PHLDB2: variants seen among roughly 807,000 people sequenced by gnomAD.
PHLDB2 encodes the protein pleckstrin homology like domain family B member 2, also known as pleckstrin homology-like domain family B member 2.
In PHLDB2, 71 loss-of-function variants were observed where a neutral mutation model predicts 123.6. That is an observed-to-expected ratio of 0.57 (90% CI 0.47 to 0.70). The LOEUF (loss-of-function observed/expected upper bound fraction) is 0.70, where lower values mean the gene tolerates loss of function less well. Ranked by LOEUF, PHLDB2 falls within the 30% of genes least tolerant of loss-of-function variation. The probability of loss-of-function intolerance (pLI) is 0.00; values close to 1 mark genes in which losing one functional copy is unlikely to be tolerated. For missense variants in PHLDB2, 1,446 were observed against 1,519.5 expected (o/e 0.95, Z 0.80); for synonymous variants, 547 against 541.6 (o/e 1.01, Z -0.14).
At chr3:111,831,034 G>GGAAGA (rs2063000519) in intron 1 of PHLDB2, among the ~76,000 whole-genome samples, 13 of 46,166 alleles carry the variant, frequency 2.8e-4, no homozygotes, top group African/African-American at 1.0e-3. Flanking sequence ...AGAAAGAAAG[G>GGAAGA]AAGGAAGGAA....
chr3:111,810,699 A>G (rs1317784124), intron 1 of PHLDB2, among the ~76,000 whole-genome samples: 1 of 152,202 alleles, frequency 6.6e-6, no homozygotes, highest in Non-Finnish European at 1.5e-5. Flanking sequence ...CGTCCATAGC[A>G]ATGATATAGC....
chr3:111,782,851 G>GA (rs1186152872), intron 1 of PHLDB2, among the ~76,000 whole-genome samples: 1 of 152,022 alleles, frequency 6.6e-6, no homozygotes, highest in Non-Finnish European at 1.5e-5. Flanking sequence ...TATTCAGAGA[G>GA]AAAAAAGTTT....
intron 2 of PHLDB2, among the ~76,000 whole-genome samples, chr3:111,896,425 A>C (rs540288462): frequency 6.7e-6 from 1 of 150,054 alleles, no homozygotes; most frequent in African/African-American, 2.5e-5. Flanking sequence ...GCTCACTGCA[A>C]CCTCCGCCTC....
chr3:111,824,512 A>C (rs1282248354), intron 1 of PHLDB2, among the ~76,000 whole-genome samples: 1 of 152,170 alleles, frequency 6.6e-6, no homozygotes, highest in Admixed American at 6.5e-5. Flanking sequence ...GACCCAAATC[A>C]ACTAAAGGTC....
chr3:111,765,683 T>G (rs1337382440), intron 1 of PHLDB2, among the ~76,000 whole-genome samples: 1 of 152,216 alleles, frequency 6.6e-6, no homozygotes, highest in African/African-American at 2.4e-5. Context: ...ACTTCTCTGC[T>G]GGGTTAGACA....
chr3:111,783,012 C>G (rs866476767), intron 1 of PHLDB2, among the ~76,000 whole-genome samples: 27 of 151,862 alleles, frequency 1.8e-4, no homozygotes, highest in African/African-American at 6.3e-4. Context: ...TTCTTAGTTC[C>G]TATCTGTTTT....
At chr3:111,848,313 C>T (rs1430048724) in intron 2 of PHLDB2, among the ~76,000 whole-genome samples, 3 of 152,220 alleles carry the variant, frequency 2.0e-5, no homozygotes, top group Admixed American at 6.5e-5. Flanking sequence ...CCCCCCGCCA[C>T]CTGCCACTAG....
chr3:111,801,113 C>T (rs745878372), intron 1 of PHLDB2, among the ~76,000 whole-genome samples: 1 of 152,166 alleles, frequency 6.6e-6, no homozygotes, highest in Non-Finnish European at 1.5e-5. Flanking sequence ...ACAGAGTAGA[C>T]ACTTAATAAA....
chr3:111,818,051 C>G (rs1309446417), intron 1 of PHLDB2, among the ~76,000 whole-genome samples: 2 of 151,830 alleles, frequency 1.3e-5, no homozygotes, highest in Non-Finnish European at 2.9e-5. Flanking sequence ...AGATTGATCT[C>G]TTGTGAAAAA....
Position 111,831,014 on chromosome 3 carries a change from AAAGAAAGAAAGAAAGAAAGGAAGGAAGG to A in PHLDB2, c.-48-14798_-48-14771del, listed in dbSNP as rs1255571690. On this transcript the variant is annotated intron_variant, in intron 1 of 17. Transcript: ENST00000393923. Reference sequence around the variant, plus strand: ...GAAAGAAAGAAAGAAAGAAAGAAAGAAAGAAAGAAAGAAAGAAAGGAAGGAAGGAAGAAAGAGAAAAGAGAGAGATAGA... The same window carrying A: ...GAAAGAAAGAAAGAAAGAAAGAAAGAAAGAAAGAGAAAAGAGAGAGATAGA... Among the ~76,000 whole-genome samples, 120 of 101,482 alleles carry A rather than the reference AAAGAAAGAAAGAAAGAAAGGAAGGAAGG, an allele frequency of 1.2e-3. 11 individuals carry two copies. The highest frequency in any genetic ancestry group is 4.6e-3 in the Middle Eastern group (1 of 216). The allele number at this position is 101,482 out of a possible 152,430, so 66.6% of individuals were successfully genotyped here. A position where few individuals can be genotyped will look rare whatever the true frequency, so the allele number is the denominator to read the frequency against.
At chr3:111,932,017 A>G (rs1224636162) in intron 5 of PHLDB2, among the ~76,000 whole-genome samples, 3 of 152,206 alleles carry the variant, frequency 2.0e-5, no homozygotes, top group African/African-American at 7.2e-5. Context: ...TGGCAGGAAG[A>G]AGGGAGGGAA....
intron 1 of PHLDB2, among the ~76,000 whole-genome samples, chr3:111,837,436 C>T (rs115911443): frequency 0.01 from 1,581 of 152,186 alleles, 34 homozygotes; most frequent in African/African-American, 0.036. Context: ...CAAAGTCGTG[C>T]TCTTTGGGGT....
intron 2 of PHLDB2, among the ~76,000 whole-genome samples, chr3:111,899,420 C>T (rs1198022439): frequency 6.6e-6 from 1 of 152,174 alleles, no homozygotes; most frequent in Non-Finnish European, 1.5e-5. Flanking sequence ...TCCTGATGCT[C>T]TCCCCCACTT....
intron 3 of PHLDB2, chr3:111,917,260 T>C (rs891334880): frequency 1.3e-5 from 2 of 152,246 alleles, no homozygotes; most frequent in Admixed American, 1.3e-4. Flanking sequence ...TGATAAACTT[T>C]CTAAAAACTT....
chr3:111,953,949 A>G lies in PHLDB2; in HGVS notation c.2792A>G (p.Gln931Arg). The change falls in exon 12 of 18, where the codon CAG (glutamine) becomes CGG (arginine). Residue 931 changes from glutamine (Q) to arginine (R), a missense_variant. By Grantham distance (43) the Gln-to-Arg change is conservative. Transcript: ENST00000431670. ...CCGCAGGCCCATCTGCCCCTAGGAC[A>G]GAGTAACAGCTGTGGAAGTGTGCTC... ...ITPKAHLPLG[Q>R]SNSCGSVLPP... 6.2e-7 allele frequency: 1 copy of G among 1,613,702 alleles called. No individual in the cohort carries two copies. Among genetic ancestry groups the G allele is most frequent in the Non-Finnish European group, 8.5e-7 (1 of 1,179,758 alleles).
chr3:111,889,510 C>T (rs1466816292), intron 2 of PHLDB2, among the ~76,000 whole-genome samples: 4 of 151,734 alleles, frequency 2.6e-5, no homozygotes, highest in East Asian at 1.9e-4. Context: ...GAGACCAGCC[C>T]GGGCAACATG....
intron 1 of PHLDB2, among the ~76,000 whole-genome samples, chr3:111,735,384 TA>T (rs1338843717): frequency 6.6e-6 from 1 of 152,128 alleles, no homozygotes; most frequent in African/African-American, 2.4e-5. Flanking sequence ...CCCCCACCCC[TA>T]GTTTCACTTT....
chr3:111,777,755 A>T (rs555629453), intron 1 of PHLDB2, among the ~76,000 whole-genome samples: 1 of 152,146 alleles, frequency 6.6e-6, no homozygotes. Context: ...GTCCTATCAC[A>T]TGAGCTGAAT....
At chr3:111,904,693 C>T (rs1036340864) in intron 2 of PHLDB2, among the ~76,000 whole-genome samples, 1 of 151,986 alleles carries the variant, frequency 6.6e-6, no homozygotes, top group African/African-American at 2.4e-5. Flanking sequence ...GACTTGAGTA[C>T]ATTTTCAGAC....
Sources: allele counts gnomAD v4.1 joint callset (sites outside exome capture counted in the v4.1 genomes callset), GRCh38; gene constraint gnomAD v4.1.1; transcripts MANE v1.5; gene names NCBI Gene and HGNC (gene_info 2026-07-23, HGNC 2026-07-21).